Variants in B3GALT1 observed in about 807,000 individuals in gnomAD.
The protein encoded by B3GALT1 is beta-1,3-galactosyltransferase 1, also known as UDP-Gal:betaGlcNAc beta 1,3-galactosyltransferase, polypeptide 1.
B3GALT1 carries 10 observed loss-of-function variants against 23.2 expected under a neutral mutation model. That is an observed-to-expected ratio of 0.43 (90% CI 0.27 to 0.73). The LOEUF is 0.73. Among genes scored for constraint, B3GALT1 ranks in the 30% least tolerant of loss-of-function variants. B3GALT1 has a pLI of 0.21. For missense variants in B3GALT1, 299 were observed against 405.4 expected, an observed-to-expected ratio of 0.74 and a Z score of 2.25; for synonymous variants, 156 against 141.5, an observed-to-expected ratio of 1.10 and a Z score of -0.73.
intron 2 of B3GALT1, among the ~76,000 whole-genome samples, chr2:167,607,075 C>A (rs1453412060): frequency 1.3e-5 from 2 of 151,866 alleles, no homozygotes; most frequent in Non-Finnish European, 2.9e-5. Flanking sequence ...CATGAAACCC[C>A]AAAAAAGTTA....
intron 1 of B3GALT1, among the ~76,000 whole-genome samples, chr2:167,397,327 T>G (rs2105286890): frequency 6.6e-6 from 1 of 152,184 alleles, no homozygotes; most frequent in East Asian, 1.9e-4. Context: ...TTAAAATTTC[T>G]TTTTAGATTC....
At position 167,653,315 on chromosome 2, in the gene B3GALT1, A is replaced by C. The variant is rs1279942112; in HGVS notation, c.-352+6349A>C. ...ATGTGGACATTAACCACAGTGCTTTATTTCCTAATGATTATTGCTAATTTT... is the reference window on the plus strand; with the variant it reads ...ATGTGGACATTAACCACAGTGCTTTCTTTCCTAATGATTATTGCTAATTTT... On this transcript the variant is annotated intron_variant, in intron 3 of 4. Transcript: ENST00000392690. 3.3e-5 allele frequency among the ~76,000 whole-genome samples: 5 copies of C among 152,090 alleles called. No individual in the cohort carries two copies. The East Asian group carries it at 9.7e-4, about 29-fold the overall frequency.
At chr2:167,352,974 A>C (rs556241779) in intron 1 of B3GALT1, among the ~76,000 whole-genome samples, 1 of 152,302 alleles carries the variant, frequency 6.6e-6, no homozygotes, top group East Asian at 1.9e-4. Flanking sequence ...GTGCCAAGAG[A>C]TTATTGATAA....
chr2:167,478,822 G>A (rs1398101939), intron 1 of B3GALT1, among the ~76,000 whole-genome samples: 1 of 151,898 alleles, frequency 6.6e-6, no homozygotes, highest in Non-Finnish European at 1.5e-5. Context: ...GTGGTGTTTG[G>A]TTTTTTGTCC....
intron 2 of B3GALT1, among the ~76,000 whole-genome samples, chr2:167,631,941 C>G (rs1008406947): frequency 2.3e-4 from 35 of 151,772 alleles, no homozygotes; most frequent in Non-Finnish European, 7.4e-5. Context: ...GCTATCCCTC[C>G]CCTACCCCCC....
intron 2 of B3GALT1, among the ~76,000 whole-genome samples, chr2:167,550,822 G>A (rs956890105): frequency 6.6e-6 from 1 of 152,186 alleles, no homozygotes; most frequent in Non-Finnish European, 1.5e-5. Context: ...GTAGAGGCTT[G>A]AGCACGTGCA....
intron 3 of B3GALT1, among the ~76,000 whole-genome samples, chr2:167,730,649 CT>C (rs1173801850): frequency 6.6e-6 from 1 of 152,160 alleles, no homozygotes. Context: ...TGGCGCCCTT[CT>C]TTACTAATTC....
intron 4 of B3GALT1, among the ~76,000 whole-genome samples, chr2:167,865,824 T>TAA (rs1326339290): frequency 2.0e-5 from 3 of 151,866 alleles, no homozygotes; most frequent in Non-Finnish European, 4.4e-5. Flanking sequence ...ATAAAATAAA[T>TAA]AAATAAATAA....
At chr2:167,614,644 A>G (rs191916436) in intron 2 of B3GALT1, among the ~76,000 whole-genome samples, 2 of 152,148 alleles carry the variant, frequency 1.3e-5, no homozygotes, top group Admixed American at 6.6e-5. Flanking sequence ...TTATATTTGA[A>G]ACAGTATGGA....
At chr2:167,662,744 T>A (rs1033431512) in intron 3 of B3GALT1, among the ~76,000 whole-genome samples, 4 of 151,600 alleles carry the variant, frequency 2.6e-5, no homozygotes, top group African/African-American at 9.7e-5. Flanking sequence ...ACCTCTCTGG[T>A]TTCATCTCGT....
intron 2 of B3GALT1, among the ~76,000 whole-genome samples, chr2:167,583,013 T>C (rs1206935976): frequency 6.6e-6 from 1 of 152,168 alleles, no homozygotes; most frequent in Non-Finnish European, 1.5e-5. Flanking sequence ...AGTGACTTGG[T>C]TGAACAGCTC....
At chr2:167,792,418 A>G (rs1197146368) in intron 3 of B3GALT1, among the ~76,000 whole-genome samples, 2 of 152,234 alleles carry the variant, frequency 1.3e-5, no homozygotes, top group Non-Finnish European at 2.9e-5. Context: ...GGATATTTTG[A>G]TACAAGTACT....
intron 2 of B3GALT1, among the ~76,000 whole-genome samples, chr2:167,543,856 G>A (rs990758665): frequency 2.6e-5 from 4 of 152,282 alleles, no homozygotes; most frequent in Non-Finnish European, 5.9e-5. Context: ...GACATATACT[G>A]GCTGTAACCA....
intron 3 of B3GALT1, among the ~76,000 whole-genome samples, chr2:167,747,363 C>T (rs1687668335): frequency 6.6e-6 from 1 of 152,226 alleles, no homozygotes; most frequent in African/African-American, 2.4e-5. Flanking sequence ...AATGCCTAAG[C>T]TGCTATCATT....
intron 1 of B3GALT1, among the ~76,000 whole-genome samples, chr2:167,444,341 G>A (rs779137659): frequency 6.6e-6 from 1 of 151,880 alleles, no homozygotes; most frequent in Non-Finnish European, 1.5e-5. Flanking sequence ...TTTTTGTTTT[G>A]TCTCCGCCAG....
At chr2:167,731,728 G>A (rs968391945) in intron 3 of B3GALT1, among the ~76,000 whole-genome samples, 1 of 152,128 alleles carries the variant, frequency 6.6e-6, no homozygotes, top group Non-Finnish European at 1.5e-5. Context: ...TAAAATTAAA[G>A]GCTTCCATTG....
At chr2:167,859,387 AC>A (rs1690057492) in intron 4 of B3GALT1, among the ~76,000 whole-genome samples, 1 of 152,148 alleles carries the variant, frequency 6.6e-6, no homozygotes, top group South Asian at 2.1e-4. Context: ...AACTAGGGCA[AC>A]ACATTGATTT....
At chr2:167,594,965 G>C (rs1357057468) in intron 2 of B3GALT1, among the ~76,000 whole-genome samples, 1 of 152,066 alleles carries the variant, frequency 6.6e-6, no homozygotes, top group Non-Finnish European at 1.5e-5. Flanking sequence ...GCAGCTGCTT[G>C]TTCTGAACTT....
At chr2:167,324,514 ATTTG>A (rs1574032860) in intron 1 of B3GALT1, among the ~76,000 whole-genome samples, 3 of 151,966 alleles carry the variant, frequency 2.0e-5, no homozygotes, top group East Asian at 3.9e-4. Context: ...GCTGGCTTCT[ATTTG>A]TTATTGTTTA....
Sources: allele counts gnomAD v4.1 joint callset (sites outside exome capture counted in the v4.1 genomes callset), GRCh38; gene constraint gnomAD v4.1.1; transcripts MANE v1.5; gene names NCBI Gene and HGNC (gene_info 2026-07-23, HGNC 2026-07-21).